Variants in DPP10 observed in about 807,000 individuals in gnomAD.
The protein encoded by DPP10 is dipeptidyl peptidase like 10.
A neutral mutation model predicts 120.9 loss-of-function variants in DPP10; 33 were observed. The observed-to-expected ratio is 0.27, with a 90% CI of 0.21 to 0.37. The LOEUF (loss-of-function observed/expected upper bound fraction) is 0.37, where lower values mean the gene tolerates loss of function less well. Among genes scored for constraint, DPP10 ranks in the 10% least tolerant of loss-of-function variants. DPP10 has a pLI of 1.00. For missense variants in DPP10, 816 were observed against 942.8 expected, an observed-to-expected ratio of 0.87 and a Z score of 1.76; for synonymous variants, 337 against 326.1, an observed-to-expected ratio of 1.03 and a Z score of -0.36.
intron 11 of DPP10, among the ~76,000 whole-genome samples, chr2:115,758,017 T>G (rs541266141): frequency 1.3e-5 from 2 of 152,158 alleles, no homozygotes; most frequent in Admixed American, 6.6e-5. Context: ...CAAGCAAACT[T>G]TACCAGAGGC....
intron 5 of DPP10, among the ~76,000 whole-genome samples, chr2:115,672,832 C>T (rs893534679): frequency 1.3e-5 from 2 of 151,594 alleles, no homozygotes; most frequent in Non-Finnish European, 2.9e-5. Context: ...CTGCAACCTC[C>T]GCCACCTGGG....
intron 1 of DPP10, among the ~76,000 whole-genome samples, chr2:115,131,520 A>G (rs1268163834): frequency 6.6e-6 from 1 of 152,190 alleles, no homozygotes; most frequent in East Asian, 1.9e-4. Flanking sequence ...CTCAAAAAGT[A>G]ACAAGAAGAA....
rs539209878 is a variant in DPP10 at position 114,668,932 on chromosome 2, G to A, written c.60+226094G>A. Among the ~76,000 whole-genome samples the A allele has an allele frequency of 4.0e-4, 61 of 151,870 alleles. 1 individual carries two copies. The highest frequency in any genetic ancestry group is 1.1e-3 in the African/African-American group (46 of 41,408). Reference sequence around the variant, plus strand: ...TCAGTTATGTTCTCTCGTAAATGTCGTGTTCTCATGTAAATATCATGTTCT... The same window carrying A: ...TCAGTTATGTTCTCTCGTAAATGTCATGTTCTCATGTAAATATCATGTTCT... On this transcript the variant is annotated intron_variant, in intron 1 of 25. Coordinates refer to ENST00000410059, the MANE Select transcript of DPP10 (RefSeq NM_020868.6).
chr2:115,201,051 C>G (rs907250702), intron 1 of DPP10, among the ~76,000 whole-genome samples: 1 of 152,124 alleles, frequency 6.6e-6, no homozygotes, highest in East Asian at 1.9e-4. Context: ...CCTCCTAATC[C>G]TATTAAGAAA....
At chr2:114,689,056 T>TTCTAGTTTTTTTTTC (rs1450885151) in intron 1 of DPP10, among the ~76,000 whole-genome samples, 1 of 151,814 alleles carries the variant, frequency 6.6e-6, no homozygotes, top group East Asian at 1.9e-4. Context: ...TGTTTTTTTT[T>TTCTAGTTTTTTTTTC]AATTTCTAGT....
chr2:114,457,743 G>T (rs1347607639), intron 1 of DPP10, among the ~76,000 whole-genome samples: 1 of 152,064 alleles, frequency 6.6e-6, no homozygotes, highest in Non-Finnish European at 1.5e-5. Context: ...TTTATGCTTT[G>T]CAAAGCCCCA....
At chr2:114,889,533 A>G (rs1692365718) in intron 1 of DPP10, among the ~76,000 whole-genome samples, 1 of 152,038 alleles carries the variant, frequency 6.6e-6, no homozygotes, top group South Asian at 2.1e-4. Context: ...TGTAACTTTT[A>G]GGGTTGAATG....
intron 5 of DPP10, among the ~76,000 whole-genome samples, chr2:115,573,274 G>C (rs984302185): frequency 4.9e-5 from 7 of 142,978 alleles, no homozygotes; most frequent in Admixed American, 7.5e-5. Context: ...AGGCTTCCTG[G>C]GATTTTTTTT....
At chr2:115,664,222 T>C (rs988835884) in intron 5 of DPP10, among the ~76,000 whole-genome samples, 1 of 151,820 alleles carries the variant, frequency 6.6e-6, no homozygotes, top group Non-Finnish European at 1.5e-5. Flanking sequence ...CATTTTCAAT[T>C]TGCCCAAATT....
chr2:115,400,794 C>T (rs2068018431), intron 3 of DPP10, among the ~76,000 whole-genome samples: 1 of 152,192 alleles, frequency 6.6e-6, no homozygotes, highest in African/African-American at 2.4e-5. Flanking sequence ...CTGTGGCCTT[C>T]TTTCCAGGTC....
chr2:115,354,887 T>C, intron 3 of DPP10, among the ~76,000 whole-genome samples: 1 of 152,188 alleles, frequency 6.6e-6, no homozygotes, highest in East Asian at 1.9e-4. Flanking sequence ...ATCTCATTCC[T>C]TTTTATGGTT....
intron 1 of DPP10, among the ~76,000 whole-genome samples, chr2:115,242,935 G>A (rs1446953726): frequency 1.3e-5 from 2 of 152,010 alleles, no homozygotes; most frequent in African/African-American, 2.4e-5. Flanking sequence ...ATTTATATTA[G>A]TATTGCTTAT....
chr2:114,694,028 T>C (rs1462955367), intron 1 of DPP10, among the ~76,000 whole-genome samples: 2 of 151,976 alleles, frequency 1.3e-5, no homozygotes, highest in Non-Finnish European at 2.9e-5. Flanking sequence ...TATGATTTCT[T>C]CTTAGTACTG....
At chr2:115,741,937 A>T (rs1677325944) in intron 9 of DPP10, among the ~76,000 whole-genome samples, 1 of 152,182 alleles carries the variant, frequency 6.6e-6, no homozygotes, top group South Asian at 2.1e-4. Flanking sequence ...AAGATACTGG[A>T]TATGAACCTA....
At chr2:115,031,233 T>C (rs551396597) in intron 1 of DPP10, among the ~76,000 whole-genome samples, 33 of 152,312 alleles carry the variant, frequency 2.2e-4, no homozygotes, top group African/African-American at 7.2e-4. Context: ...CCTCTGTCAA[T>C]TCAATGTATA....
At chr2:115,104,736 G>A (rs1032630084) in intron 1 of DPP10, among the ~76,000 whole-genome samples, 8 of 152,148 alleles carry the variant, frequency 5.3e-5, no homozygotes, top group Non-Finnish European at 7.3e-5. Context: ...GGCCAGGCGC[G>A]GTGGCTCATG....
chr2:114,802,952 C>T (rs7582723), intron 1 of DPP10, among the ~76,000 whole-genome samples: 3,604 of 152,146 alleles, frequency 0.024, 151 homozygotes, highest in African/African-American at 0.082. Context: ...TAACTTTTCC[C>T]CTGGATTTTT....
intron 1 of DPP10, among the ~76,000 whole-genome samples, chr2:114,664,454 C>CCCCGTCT (rs1697736299): frequency 6.6e-6 from 1 of 151,650 alleles, no homozygotes; most frequent in Non-Finnish European, 1.5e-5. Flanking sequence ...CATGGTGAAA[C>CCCCGTCT]CCCGTCTCTA....
rs2149689966 is a variant in DPP10, at chr2:115,739,813, G to C, written c.772G>C (p.Asp258His). 1 of 1,613,578 alleles carries C rather than the reference G, an allele frequency of 6.2e-7. No homozygotes were observed. Among genetic ancestry groups the C allele is most frequent in the East Asian group, 2.2e-5 (1 of 44,848 alleles). Residue 258 changes from aspartate to histidine, a missense_variant, in exon 9 of 26, where the codon GAC (aspartate) becomes CAC (histidine). By Grantham distance (81) the Asp-to-His change is moderately conservative. This residue lies in a region of DPP10 where 592 missense variants were observed against 649.0 expected (regional missense o/e 0.91). Coordinates refer to ENST00000410059, the MANE Select transcript of DPP10 (RefSeq NM_020868.6). Reference protein sequence around the residue: ...GERLAFLMINDSLVPTMVIPR... With the variant: ...GERLAFLMINHSLVPTMVIPR... ...AAGACTTGCCTTCCTGATGATAAAT[G>C]ACTCTTTGGTACCCACCATGGTTAT...
Sources: gnomAD v4.1 joint callset for allele counts (sites outside exome capture counted in the v4.1 genomes callset) on GRCh38, gnomAD v4.1.1 for gene constraint, gnomAD v4.1.1 regional missense constraint, MANE v1.5 for transcripts, NCBI Gene and HGNC (gene_info 2026-07-23, HGNC 2026-07-21) for gene names.